The following SCYL2 variants were observed in gnomAD, a reference collection of about 807,000 sequenced individuals.
The protein encoded by SCYL2 is SCY1-like protein 2.
Under a neutral mutation model 100.4 loss-of-function variants are expected in SCYL2, and 36 were observed. The observed-to-expected ratio is 0.36, with a 90% CI of 0.27 to 0.47. The LOEUF is 0.47. SCYL2 is among the 20% of genes least tolerant of loss of function. The probability of loss-of-function intolerance (pLI) is 1.00; values close to 1 mark genes in which losing one functional copy is unlikely to be tolerated. For synonymous variants in SCYL2, 330 were observed against 359.2 expected (o/e 0.92, Z 0.92); for missense variants, 902 against 1,083.9 (o/e 0.83, Z 2.36).
intron 16 of SCYL2, 143 bp from the exon 17 acceptor site, chr12:100,337,244 G>A: frequency 1.0e-6 from 1 of 962,634 alleles, no homozygotes; most frequent in African/African-American, 1.7e-5. Context: ...TTGAAATACA[G>A]CTTACTGTGA....
At chr12:100,297,926 A>T (rs2096322825) in intron 3 of SCYL2, 105 bp from the exon 4 acceptor site, 1 of 899,402 alleles carries the variant, frequency 1.1e-6, no homozygotes, top group Non-Finnish European at 1.7e-6. Context: ...TAAAATAGTT[A>T]CCTTCTTATT....
At chr12:100,279,547 C>T (rs1377865527) in intron 1 of SCYL2, among the ~76,000 whole-genome samples, 1 of 152,154 alleles carries the variant, frequency 6.6e-6, no homozygotes, top group Non-Finnish European at 1.5e-5. Flanking sequence ...TTTTTTTGTG[C>T]ATGTTATGTG....
At chr12:100,327,826 T>G (rs1952153117) in intron 12 of SCYL2, among the ~76,000 whole-genome samples, 4 of 152,136 alleles carry the variant, frequency 2.6e-5, no homozygotes, top group Admixed American at 2.0e-4. Context: ...AAAAATTATA[T>G]TATTCATCCA....
intron 11 of SCYL2, among the ~76,000 whole-genome samples, chr12:100,325,665 A>G (rs2096360877): frequency 6.6e-6 from 1 of 152,200 alleles, no homozygotes; most frequent in Non-Finnish European, 1.5e-5. Flanking sequence ...AAAATCCTCC[A>G]AGAGCTATAT....
chr12:100,335,178 G>A (rs534389405), intron 14 of SCYL2, among the ~76,000 whole-genome samples: 6 of 151,962 alleles, frequency 3.9e-5, no homozygotes, highest in Non-Finnish European at 7.4e-5. Flanking sequence ...ATTTGAGTTG[G>A]CAAATGAACC....
Position 100,338,543 on chromosome 12 carries a change from G to A in SCYL2, c.2161G>A (p.Asp721Asn), listed in dbSNP as rs545376454. ...TATTTTTCAGACTAAGGACTTGACA[G>A]ACACACTGATGGATAATATGTCATC... ...ATVKQTKDLT[D>N]TLMDNMSSLT... The change falls in exon 18 of 18, where the codon GAC (aspartate) becomes AAC (asparagine). Residue 721 changes from aspartate to asparagine, a missense_variant. Physicochemically the swap from Asp to Asn is conservative, Grantham distance 23. Coordinates refer to ENST00000360820, the MANE Select transcript of SCYL2 (RefSeq NM_017988.6). 13 of 1,604,612 alleles carry A rather than the reference G, an allele frequency of 8.1e-6. No individual in the cohort carries two copies. The highest frequency in any genetic ancestry group is 1.0e-5 in the Non-Finnish European group (12 of 1,175,374).
chr12:100,284,698 A>C (rs1384758681), intron 2 of SCYL2, among the ~76,000 whole-genome samples: 1 of 152,102 alleles, frequency 6.6e-6, no homozygotes, highest in Non-Finnish European at 1.5e-5. Flanking sequence ...CCTGACCTCA[A>C]GTGATCCGCC....
intron 1 of SCYL2, among the ~76,000 whole-genome samples, chr12:100,280,909 A>G (rs1181606185): frequency 1.3e-5 from 2 of 152,010 alleles, no homozygotes; most frequent in East Asian, 3.9e-4. Flanking sequence ...CAATTAAATG[A>G]TAAGTATTCA....
chr12:100,277,976 A>C (rs1235425331), intron 1 of SCYL2, among the ~76,000 whole-genome samples: 1 of 152,154 alleles, frequency 6.6e-6, no homozygotes, highest in Non-Finnish European at 1.5e-5. Context: ...GTACTGCCTC[A>C]AATATAATGT....
At chr12:100,317,280 G>T (rs1371032639) in intron 9 of SCYL2, among the ~76,000 whole-genome samples, 2 of 152,050 alleles carry the variant, frequency 1.3e-5, no homozygotes, top group East Asian at 1.9e-4. Flanking sequence ...AAGAGATAGG[G>T]TCTTGCTATG....
intron 12 of SCYL2, among the ~76,000 whole-genome samples, chr12:100,327,591 T>C (rs1395884751): frequency 6.6e-6 from 1 of 151,916 alleles, no homozygotes; most frequent in Non-Finnish European, 1.5e-5. Context: ...CTCAGCTCAC[T>C]GCAACCTCCG....
chr12:100,290,966 A>G (rs1269354492), intron 2 of SCYL2, among the ~76,000 whole-genome samples: 2 of 152,184 alleles, frequency 1.3e-5, no homozygotes, highest in Non-Finnish European at 2.9e-5. Context: ...GTGGGAGAGC[A>G]AGTCCCTGTA....
rs1251176785 is a variant in SCYL2 at position 100,271,285 on chromosome 12, G to GAGAGAGAAT, written c.-29+3495_-29+3503dup. 2.2e-5 allele frequency among the ~76,000 whole-genome samples: 3 copies of GAGAGAGAAT among 134,672 alleles called. No individual in the cohort carries two copies. In the South Asian group the frequency reaches 6.6e-4, roughly 29 times the overall value. The allele number at this position is 134,672 out of a possible 152,430, so 88.4% of individuals were successfully genotyped here. A position where few individuals can be genotyped will look rare whatever the true frequency, so the allele number is the denominator to read the frequency against. ...CAAAAAAAAAAAAAAAAAAAAAAGAGAGAGAGAATATATCTTAAGATCATC... is the reference window on the plus strand; with the variant it reads ...CAAAAAAAAAAAAAAAAAAAAAAGAGAGAGAGAATAGAGAGAATATATCTTAAGATCATC... On this transcript the variant is annotated intron_variant, in intron 1 of 17. Transcript: ENST00000360820.
chr12:100,334,370 T>C, intron 14 of SCYL2, 104 bp downstream of exon 14: 1 of 730,298 alleles, frequency 1.4e-6, no homozygotes. Flanking sequence ...TGGATTTAAA[T>C]TTGACCACAT....
rs1010026882 is a variant in SCYL2 at position 100,312,546 on chromosome 12, A to G, written c.745A>G (p.Met249Val). 3.7e-6 allele frequency: 6 copies of G among 1,613,020 alleles called. No homozygotes were observed. Among genetic ancestry groups the G allele is most frequent in the African/African-American group, 1.3e-5 (1 of 74,888 alleles). The change falls in exon 6 of 18, where the codon ATG (methionine) becomes GTG (valine). Residue 249 changes from methionine (M) to valine (V), a missense_variant. Transcript: ENST00000360820. ...LSVSCETASDMYSLGTVMYAV... is the reference protein window; with the variant it reads ...LSVSCETASDVYSLGTVMYAV... ...TGTGAGCTGTGAAACAGCCAGTGAT[A>G]TGTATTCTTTAGGAACTGTTATGTA...
At chr12:100,283,860 A>G (rs948923526) in intron 2 of SCYL2, among the ~76,000 whole-genome samples, 17 of 152,304 alleles carry the variant, frequency 1.1e-4, no homozygotes, top group Non-Finnish European at 1.9e-4. Context: ...TTTGTATTCA[A>G]CCTGTTAAGT....
At chr12:100,323,033 A>G (rs2096357893) in intron 10 of SCYL2, among the ~76,000 whole-genome samples, 2 of 151,374 alleles carry the variant, frequency 1.3e-5, no homozygotes, top group South Asian at 2.1e-4. Flanking sequence ...GTCTCAAGAA[A>G]AAAAAAAAAA....
chr12:100,288,867 A>G (rs2096307349), intron 2 of SCYL2, among the ~76,000 whole-genome samples: 1 of 151,880 alleles, frequency 6.6e-6, no homozygotes, highest in African/African-American at 2.4e-5. Context: ...GACTTGAAAA[A>G]TAAAACATTT....
At chr12:100,276,673 G>C (rs1474503512) in intron 1 of SCYL2, among the ~76,000 whole-genome samples, 1 of 151,996 alleles carries the variant, frequency 6.6e-6, no homozygotes, top group Non-Finnish European at 1.5e-5. Flanking sequence ...GAGTTTTACT[G>C]ATTTCATTGA....
Sources: gnomAD v4.1 joint callset for allele counts (sites outside exome capture counted in the v4.1 genomes callset) on GRCh38, gnomAD v4.1.1 for gene constraint, MANE v1.5 for transcripts, NCBI Gene and HGNC (gene_info 2026-07-23, HGNC 2026-07-21) for gene names.